Variants in NEDD9 observed in about 807,000 individuals in gnomAD.
NEDD9 encodes neural precursor cell expressed, developmentally down-regulated 9.
In NEDD9, 26 loss-of-function variants were observed where a neutral mutation model predicts 76.6. The observed-to-expected ratio is 0.34, with a 90% CI of 0.25 to 0.47. NEDD9 has a LOEUF of 0.47. Among genes scored for constraint, NEDD9 ranks in the 20% least tolerant of loss-of-function variants. The pLI is 1.00. For synonymous variants in NEDD9, 392 were observed against 414.2 expected (o/e 0.95, Z 0.65); for missense variants, 937 against 1,058.5 (o/e 0.89, Z 1.59).
chr6:11,354,469 T>G (rs2113540302), intron 1 of NEDD9, among the ~76,000 whole-genome samples: 1 of 152,324 alleles, frequency 6.6e-6, no homozygotes, highest in Middle Eastern at 3.4e-3. Flanking sequence ...CTTGGAGTCT[T>G]GCAACCTAGT....
Position 11,286,026 on chromosome 6 carries a change from T to C in NEDD9, c.12+19966A>G, listed in dbSNP as rs74475106. 3.9e-3 allele frequency among the ~76,000 whole-genome samples: 600 copies of C among 152,278 alleles called. 9 individuals are homozygous for C. The highest frequency in any genetic ancestry group is 0.014 in the African/African-American group (571 of 41,568). ...TAAAAATTAAAAACACCTGCTCTTC[T>C]AAAGACATTGTTATTAGACTAAGAA... On this transcript the variant is annotated intron_variant, in intron 3 of 3. Coordinates refer to the NEDD9 transcript ENST00000397378.
chr6:11,297,380 T>C (rs1384832278), intron 3 of NEDD9, among the ~76,000 whole-genome samples: 1 of 152,318 alleles, frequency 6.6e-6, no homozygotes, highest in African/African-American at 2.4e-5. Context: ...GGGCTTGCTT[T>C]TATTTGCTGA....
At chr6:11,362,068 C>T (rs1456330996) in intron 1 of NEDD9, among the ~76,000 whole-genome samples, 2 of 152,116 alleles carry the variant, frequency 1.3e-5, no homozygotes, top group Admixed American at 6.6e-5. Flanking sequence ...AGTCCCAACC[C>T]GCAATGTGAT....
chr6:11,312,666 G>T (rs1761406153), intron 2 of NEDD9, among the ~76,000 whole-genome samples: 1 of 123,230 alleles, frequency 8.1e-6, no homozygotes, highest in South Asian at 2.3e-4. Context: ...GTTTGATAAT[G>T]GTATTATAAT....
rs560073740 is a variant in NEDD9, at chr6:11,226,516, T to C, written c.12+5988A>G. Reference sequence around the variant, plus strand: ...TTCTGACCCTAAAATGATCTAAACATAGACAACCAAGACCTCTTACTTTAC... The same window carrying C: ...TTCTGACCCTAAAATGATCTAAACACAGACAACCAAGACCTCTTACTTTAC... On this transcript the variant is annotated intron_variant, in intron 1 of 6. Coordinates refer to ENST00000379446, the MANE Select transcript of NEDD9 (RefSeq NM_006403.4). Among the ~76,000 whole-genome samples, 4 of 152,278 alleles carry C rather than the reference T, an allele frequency of 2.6e-5. No individual in the cohort carries two copies. The South Asian group carries it at 8.3e-4, about 32-fold the overall frequency.
rs1042078701 is a variant in NEDD9 at position 11,366,565 on chromosome 6, A to C, written c.-214+15574T>G. On this transcript the variant is annotated intron_variant, in intron 1 of 3. Transcript: ENST00000397378. ...GATTTTCTCATGGGATAGCCATTAG[A>C]GGTTGGCACTTTAAAAGCAATGTAT... Among the ~76,000 whole-genome samples, 4 of 152,224 alleles carry C rather than the reference A, an allele frequency of 2.6e-5. No individual in the cohort carries two copies. The East Asian group carries it at 7.7e-4, about 29-fold the overall frequency.
At chr6:11,197,431 C>A (rs1338699787) in intron 2 of NEDD9, among the ~76,000 whole-genome samples, 1 of 152,084 alleles carries the variant, frequency 6.6e-6, no homozygotes, top group African/African-American at 2.4e-5. Flanking sequence ...CGTGATTACC[C>A]GGCACAGGAT....
Position 11,184,408 on chromosome 6 carries a change from C to G in NEDD9, c.*754G>C, listed in dbSNP as rs1022952143. On this transcript the variant is annotated 3_prime_UTR_variant, in exon 7 of 7. Coordinates refer to ENST00000379446, the MANE Select transcript of NEDD9 (RefSeq NM_006403.4). Reference sequence around the variant, plus strand: ...TCACAAATGCAGAAGATTGAACAGCCCCAGGGAGGCAATTGCTCTCCTTTT... The same window carrying G: ...TCACAAATGCAGAAGATTGAACAGCGCCAGGGAGGCAATTGCTCTCCTTTT... 14 of 152,122 alleles carry G rather than the reference C, an allele frequency of 9.2e-5. No individual in the cohort carries two copies. Among genetic ancestry groups the G allele is most frequent in the African/African-American group, 3.1e-4 (13 of 41,406 alleles). The allele number at this position is 152,122 out of a possible 1,614,324, so 9.4% of individuals were successfully genotyped here.
At chr6:11,195,482 G>A (rs190103031) in intron 2 of NEDD9, among the ~76,000 whole-genome samples, 33 of 149,540 alleles carry the variant, frequency 2.2e-4, no homozygotes, top group Admixed American at 6.7e-4. Flanking sequence ...ACTCGCTATT[G>A]TCCAGGAGAG....
At chr6:11,189,531 G>T (rs1014729861) in intron 5 of NEDD9, among the ~76,000 whole-genome samples, 2 of 152,070 alleles carry the variant, frequency 1.3e-5, no homozygotes, top group Non-Finnish European at 2.9e-5. Context: ...TCTTAATGAC[G>T]AAAACTTTTT....
At chr6:11,187,877 C>T (rs1373565018) in intron 6 of NEDD9, among the ~76,000 whole-genome samples, 1 of 152,204 alleles carries the variant, frequency 6.6e-6, no homozygotes, top group East Asian at 1.9e-4. Context: ...TTACTGAATT[C>T]CCCTACTGTG....
At chr6:11,225,674 TG>T (rs1561796460) in intron 1 of NEDD9, among the ~76,000 whole-genome samples, 1 of 152,148 alleles carries the variant, frequency 6.6e-6, no homozygotes, top group Non-Finnish European at 1.5e-5. Flanking sequence ...GCTAATTTTT[TG>T]TATTTTTAGT....
At chr6:11,195,685 T>C (rs536779926) in intron 2 of NEDD9, among the ~76,000 whole-genome samples, 1 of 152,328 alleles carries the variant, frequency 6.6e-6, no homozygotes, top group Non-Finnish European at 1.5e-5. Flanking sequence ...TAACTGTTCA[T>C]CTTTCGTTTA....
At chr6:11,342,857 A>G (rs1762299411) in intron 1 of NEDD9, among the ~76,000 whole-genome samples, 1 of 152,250 alleles carries the variant, frequency 6.6e-6, no homozygotes, top group Non-Finnish European at 1.5e-5. Context: ...AGCCACATTC[A>G]AAAGACTTAA....
At chr6:11,358,202 T>TTG (rs368352427) in intron 1 of NEDD9, among the ~76,000 whole-genome samples, 3,790 of 126,816 alleles carry the variant, frequency 0.03, 145 homozygotes, top group African/African-American at 0.1. Context: ...TGAGCTGAGA[T>TTG]CACGCCACTG....
At chr6:11,262,263 A>G (rs934694866) in intron 3 of NEDD9, among the ~76,000 whole-genome samples, 11 of 152,248 alleles carry the variant, frequency 7.2e-5, no homozygotes, top group Admixed American at 7.2e-4. Flanking sequence ...TCCAAAAAGA[A>G]GGCACAAAGA....
At chr6:11,237,033 C>T (rs1225074059), upstream of NEDD9, among the ~76,000 whole-genome samples, 1 of 152,062 alleles carries the variant, frequency 6.6e-6, no homozygotes, top group Non-Finnish European at 1.5e-5. The surrounding 1 kb of genome is among the most constrained non-coding windows in gnomAD (Gnocchi z 4.9). Flanking sequence ...CTGAGAATGA[C>T]CCCCCTTCAC....
chr6:11,193,670 C>G lies in NEDD9; in HGVS notation c.482G>C (p.Gly161Ala). 6.2e-7 allele frequency: 1 copy of G among 1,613,848 alleles called. No individual in the cohort carries two copies. The highest frequency in any genetic ancestry group is 8.5e-7 in the Non-Finnish European group (1 of 1,179,818). Reference protein sequence around the residue: ...GKKVITPVRTGHGYVYEYPSR... With the variant: ...GKKVITPVRTAHGYVYEYPSR... ...TGGGTACTCGTATACGTAGCCATGG[C>G]CTGTCCTCACGGGGGTTATCACCTG... The change falls in exon 3 of 7, where the codon GGC becomes GCC. Residue 161 changes from glycine to alanine, a missense_variant. Coordinates refer to ENST00000379446, the MANE Select transcript of NEDD9 (RefSeq NM_006403.4).
chr6:11,358,912 G>A (rs1444081687), intron 1 of NEDD9, among the ~76,000 whole-genome samples: 1 of 152,196 alleles, frequency 6.6e-6, no homozygotes, highest in African/African-American at 2.4e-5. Flanking sequence ...AGGTAGCCTT[G>A]CTGTGGCTTA....
Sources: allele counts gnomAD v4.1 joint callset (sites outside exome capture counted in the v4.1 genomes callset), GRCh38; gene constraint gnomAD v4.1.1; non-coding constraint Gnocchi (gnomAD v3.1); transcripts MANE v1.5; gene names NCBI Gene and HGNC (gene_info 2026-07-23, HGNC 2026-07-21).